The following TNK2 variants were observed in gnomAD, a reference collection of about 807,000 sequenced individuals.
TNK2 encodes activated CDC42 kinase 1.
A neutral mutation model predicts 101.8 loss-of-function variants in TNK2; 83 were observed. The ratio of observed to expected loss-of-function variants is 0.82; its 90% CI spans 0.68 to 0.98. TNK2 has a LOEUF of 0.98. Among genes scored for constraint, TNK2 ranks in the 50% least tolerant of loss-of-function variants. The pLI, the probability that TNK2 is intolerant of heterozygous loss-of-function variation, is 0.00. For missense variants in TNK2, 1,665 were observed against 1,483.2 expected (o/e 1.12, Z -2.01); for synonymous variants, 804 against 633.0 (o/e 1.27, Z -4.06).
At position 195,892,431 on chromosome 3, in the gene TNK2, G is replaced by A. The variant is rs915862601; in HGVS notation, c.-18-3825C>T. On this transcript the variant is annotated intron_variant, in intron 1 of 15. Coordinates refer to ENST00000672887, the MANE Select transcript of TNK2 (RefSeq NM_001382273.1). ...CTCACTGTGTACAGGCGTCGCCGCA[G>A]TCTGGCCAGGAGAGGGAAGGAGAGC... 5 of 1,535,354 alleles carry A rather than the reference G, an allele frequency of 3.3e-6. No individual in the cohort carries two copies. The Admixed American group carries it at 9.8e-5, about 30-fold the overall frequency.
At position 195,872,331 on chromosome 3, in the gene TNK2, C is replaced by T; in HGVS notation, c.1396G>A (p.Gly466Arg). Residue 466 changes from glycine (G) to arginine (R), a missense_variant, in exon 10 of 16, where the codon GGG becomes AGG. Gly to Arg is a moderately radical substitution (Grantham distance 125). Coordinates refer to ENST00000672887, the MANE Select transcript of TNK2 (RefSeq NM_001382273.1). ...QPLQNSFIHT[G>R]HGDSDPRHCW... ...TGGCGGGGGTCACTGTCGCCATGCCCTGTGTGGATGAAGCTGTTCTGCAGG... is the reference window on the plus strand; with the variant it reads ...TGGCGGGGGTCACTGTCGCCATGCCTTGTGTGGATGAAGCTGTTCTGCAGG... The T allele has an allele frequency of 1.9e-6, 3 of 1,613,364 alleles. No homozygotes were observed. The highest frequency in any genetic ancestry group is 2.5e-6 in the Non-Finnish European group (3 of 1,179,954).
chr3:195,881,364 G>T (rs573317651), intron 6 of TNK2, among the ~76,000 whole-genome samples: 1 of 6,094 alleles, frequency 1.6e-4, no homozygotes. Flanking sequence ...AGAGGACACA[G>T]CATCTATCCC....
Position 195,870,501 on chromosome 3 carries a change from C to T in TNK2, c.1452-296G>A, listed in dbSNP as rs371524514. On this transcript the variant is annotated intron_variant, in intron 10 of 15. Transcript: ENST00000672887. ...CACAACCCCCCAGGCCCCCAGCCCACACCAGGCAGCGGCCAGAGGGCAGAC... is the reference window on the plus strand; with the variant it reads ...CACAACCCCCCAGGCCCCCAGCCCATACCAGGCAGCGGCCAGAGGGCAGAC... 7 of 936,628 alleles carry T rather than the reference C, an allele frequency of 7.5e-6. No individual in the cohort carries two copies. In the African/African-American group the frequency reaches 1.2e-4, roughly 16 times the overall value. The allele number at this position is 936,628 out of a possible 1,614,324, so 58.0% of individuals were successfully genotyped here.
At chr3:195,872,074 T>TC (rs141910942) in intron 10 of TNK2, among the ~76,000 whole-genome samples, 8,763 of 124,678 alleles carry the variant, frequency 0.07, 1,119 homozygotes, top group Non-Finnish European at 0.089. Context: ...AACATTCCCC[T>TC]GGAGAACCCC....
At chr3:195,870,021 A>T in intron 11 of TNK2, 93 bp downstream of exon 11, 4 of 1,026,772 alleles carry the variant, frequency 3.9e-6, no homozygotes, top group Non-Finnish European at 5.5e-6. Context: ...GTCCCCAAAA[A>T]CAGAACAGCA....
intron 4 of TNK2, chr3:195,884,425 C>T (rs1308821334): frequency 5.3e-5 from 9 of 170,402 alleles, no homozygotes; most frequent in African/African-American, 1.7e-4. Context: ...GGCAGATCAT[C>T]TGAGGTCAGG....
At chr3:195,905,643 C>A (rs1233483552) in intron 1 of TNK2, among the ~76,000 whole-genome samples, 1 of 151,516 alleles carries the variant, frequency 6.6e-6, no homozygotes, top group Non-Finnish European at 1.5e-5. Context: ...CAAAAATTAA[C>A]CCCAAACGAA....
Position 195,888,375 on chromosome 3 carries a change from G to C in TNK2, c.163+51C>G. On this transcript the variant is annotated intron_variant, in intron 2 of 15. Transcript: ENST00000672887. This position sits in a 1 kb window ranked among gnomAD's most constrained non-coding sequence, Gnocchi z 5.3. ...CGTGCACCGAGTGGTCCTGAGGACA[G>C]AGGACGGAAAGGGTCAGGGGCAAGA... 1 of 1,585,722 alleles carries C rather than the reference G, an allele frequency of 6.3e-7. No homozygotes were observed. The highest frequency in any genetic ancestry group is 1.3e-5 in the African/African-American group (1 of 74,606).
intron 1 of TNK2, among the ~76,000 whole-genome samples, chr3:195,897,749 G>A (rs1760766309): frequency 6.6e-6 from 1 of 151,590 alleles, no homozygotes; most frequent in Non-Finnish European, 1.5e-5. Context: ...CATTCTACCA[G>A]CCTTGCTCTC....
In TNK2 at chr3:195,872,191, G is replaced by A. The variant is rs1369263737; in HGVS notation, c.1451+85C>T. On this transcript the variant is annotated intron_variant, in intron 10 of 15. Coordinates refer to ENST00000672887, the MANE Select transcript of TNK2 (RefSeq NM_001382273.1). ...TGAAGCCCGGGCGAAAGGGTGAAGA[G>A]CAGATTCCGCCCACGCGTGCCGTGC... 5 of 1,450,184 alleles carry A rather than the reference G, an allele frequency of 3.4e-6. No homozygotes were observed. In the Admixed American group the frequency reaches 6.0e-5, roughly 17 times the overall value. 89.8% of individuals were successfully genotyped at this position (1,450,184 alleles called of 1,614,324 possible).
At position 195,868,063 on chromosome 3, in the gene TNK2, G is replaced by T. The variant is rs781154321; in HGVS notation, c.2235C>A (p.Ser745Arg). Residue 745 changes from serine to arginine, a missense_variant, in exon 13 of 16, where the codon AGC becomes AGA. Physicochemically the swap from Ser to Arg is moderately radical, Grantham distance 110. Coordinates refer to ENST00000672887, the MANE Select transcript of TNK2 (RefSeq NM_001382273.1). Reference protein sequence around the residue: ...APAGSPAPSPSPGGDDKPQVP... With the variant: ...APAGSPAPSPRPGGDDKPQVP... ...CCTGGGGCTTGTCGTCACCCCCCGG[G>T]CTGGGAGAGGGGGCCGGGGAGCCGG... 1 of 1,604,492 alleles carries T rather than the reference G, an allele frequency of 6.2e-7. No individual in the cohort carries two copies. Among genetic ancestry groups the T allele is most frequent in the Admixed American group, 1.7e-5 (1 of 59,130 alleles).
chr3:195,872,522 G>A (rs777237147), intron 9 of TNK2, 52 bp from the exon 10 acceptor site: 30 of 1,525,000 alleles, frequency 2.0e-5, no homozygotes, highest in Non-Finnish European at 2.5e-5. Flanking sequence ...GGCAGCCCCG[G>A]CACTGGGACC....
At chr3:195,890,301 G>A in intron 1 of TNK2, among the ~76,000 whole-genome samples, 1 of 152,108 alleles carries the variant, frequency 6.6e-6, no homozygotes, top group East Asian at 1.9e-4. Context: ...GTGGTTGGGG[G>A]ACAAGAGCGT....
At chr3:195,907,617 G>A (rs1761873282) in intron 1 of TNK2, among the ~76,000 whole-genome samples, 1 of 152,214 alleles carries the variant, frequency 6.6e-6, no homozygotes, top group Non-Finnish European at 1.5e-5. Context: ...GGGGCACGAG[G>A]CGGAATGAGT....
intron 12 of TNK2, 77 bp downstream of exon 12, chr3:195,869,420 C>A: frequency 1.5e-6 from 2 of 1,349,378 alleles, no homozygotes; most frequent in Non-Finnish European, 1.0e-6. Flanking sequence ...GCCGCCCAGG[C>A]TCTGTACCTT....
chr3:195,896,359 T>G (rs529132068), intron 1 of TNK2: 10 of 317,880 alleles, frequency 3.1e-5, no homozygotes, highest in South Asian at 2.2e-4. Context: ...GCGTCAAGGC[T>G]GAGCCAGACC....
intron 9 of TNK2, among the ~76,000 whole-genome samples, chr3:195,877,361 C>G (rs1022806669): frequency 6.6e-6 from 1 of 152,078 alleles, no homozygotes; most frequent in Admixed American, 6.6e-5. Flanking sequence ...CTCCACACAG[C>G]CCCCCAGGTC....
chr3:195,907,475 AG>A lies in TNK2; in HGVS notation c.-19+1009del, dbSNP rs1761856103. The stretch of plus-strand genomic sequence containing the variant: ...GGGGCAGAGGAGGGTCCTCTAGCTA[AG>A]GCCCTGGGCAAGCAGCAACCCTGCA... On this transcript the variant is annotated intron_variant, in intron 1 of 15. Transcript: ENST00000672887. 2.0e-5 allele frequency among the ~76,000 whole-genome samples: 3 copies of A among 152,194 alleles called. No individual in the cohort carries two copies. The South Asian group carries it at 6.2e-4, about 31-fold the overall frequency.
At chr3:195,905,650 C>T (rs1761643128) in intron 1 of TNK2, among the ~76,000 whole-genome samples, 2 of 151,800 alleles carry the variant, frequency 1.3e-5, no homozygotes, top group Non-Finnish European at 2.9e-5. Flanking sequence ...TAACCCCAAA[C>T]GAATCCTAGA....
Sources: allele counts gnomAD v4.1 joint callset (sites outside exome capture counted in the v4.1 genomes callset), GRCh38; gene constraint gnomAD v4.1.1; non-coding constraint Gnocchi (gnomAD v3.1); transcripts MANE v1.5; gene names NCBI Gene and HGNC (gene_info 2026-07-23, HGNC 2026-07-21).